RAD51B: variants seen among roughly 807,000 people sequenced by gnomAD.
RAD51B encodes the protein DNA repair protein RAD51 homolog 2.
In RAD51B, 38 loss-of-function variants were observed where a neutral mutation model predicts 42.2. The observed-to-expected ratio is 0.90, with a 90% CI of 0.70 to 1.18. RAD51B has a LOEUF of 1.18. RAD51B is among the 50% of genes most tolerant of loss of function. RAD51B has a pLI of 0.00. For synonymous variants in RAD51B, 154 were observed against 145.2 expected (o/e 1.06, Z -0.43); for missense variants, 373 against 400.7 (o/e 0.93, Z 0.59).
At chr14:68,109,520 T>C (rs1262722330) in intron 7 of RAD51B, among the ~76,000 whole-genome samples, 1 of 152,066 alleles carries the variant, frequency 6.6e-6, no homozygotes, top group Non-Finnish European at 1.5e-5. Flanking sequence ...AAATCTTTGC[T>C]GGGGAATGGT....
chr14:68,338,752 C>A, intron 8 of RAD51B: 1 of 468,274 alleles, frequency 2.1e-6, no homozygotes. Flanking sequence ...TGGCAAAGTT[C>A]TTTAACCTTT....
intron 10 of RAD51B, among the ~76,000 whole-genome samples, chr14:68,536,741 C>A (rs1199323886): frequency 2.0e-5 from 3 of 152,136 alleles, no homozygotes; most frequent in African/African-American, 7.2e-5. Context: ...TTTAAATAGT[C>A]TTTTTCCCCC....
chr14:67,934,366 G>GGA (rs2044856481), intron 7 of RAD51B, among the ~76,000 whole-genome samples: 1 of 152,160 alleles, frequency 6.6e-6, no homozygotes, highest in South Asian at 2.1e-4. Flanking sequence ...GAAGAGAAAA[G>GGA]GAGAAAGTAA....
intron 4 of RAD51B, among the ~76,000 whole-genome samples, chr14:67,863,427 A>G (rs2042226424): frequency 6.6e-6 from 1 of 152,158 alleles, no homozygotes. Flanking sequence ...ACTGAACCAG[A>G]AATGCTGGTT....
At chr14:68,090,037 G>A (rs1482844722) in intron 7 of RAD51B, among the ~76,000 whole-genome samples, 1 of 152,166 alleles carries the variant, frequency 6.6e-6, no homozygotes, top group African/African-American at 2.4e-5. Context: ...AAAAATTCAA[G>A]TTATTTTTTC....
chr14:68,549,214 C>T (rs1197118159), intron 10 of RAD51B, among the ~76,000 whole-genome samples: 1 of 151,482 alleles, frequency 6.6e-6, no homozygotes, highest in Non-Finnish European at 1.5e-5. Context: ...GGAACATCCC[C>T]GTTTTTGAGC....
At chr14:67,877,866 T>C (rs934843934) in intron 5 of RAD51B, among the ~76,000 whole-genome samples, 3 of 152,154 alleles carry the variant, frequency 2.0e-5, no homozygotes, top group African/African-American at 7.2e-5. Context: ...GGTCTCACCA[T>C]CTTGCCCAAA....
At chr14:68,549,012 G>A (rs1888377502) in intron 10 of RAD51B, among the ~76,000 whole-genome samples, 1 of 152,278 alleles carries the variant, frequency 6.6e-6, no homozygotes, top group Middle Eastern at 3.4e-3. Context: ...TGAGTGGGTA[G>A]GGGTGTATTC....
chr14:68,056,263 A>G (rs770279147), intron 7 of RAD51B, among the ~76,000 whole-genome samples: 2 of 152,046 alleles, frequency 1.3e-5, no homozygotes, highest in Non-Finnish European at 2.9e-5. Flanking sequence ...GGCTCAAGTG[A>G]TCCTCCCACC....
At chr14:68,475,827 T>C (rs982542931) in intron 10 of RAD51B, among the ~76,000 whole-genome samples, 2 of 152,190 alleles carry the variant, frequency 1.3e-5, no homozygotes, top group African/African-American at 4.8e-5. Context: ...CTTTGCAGAG[T>C]TAACAATTTG....
chr14:68,199,048 G>A (rs1412107930), intron 7 of RAD51B, among the ~76,000 whole-genome samples: 1 of 152,146 alleles, frequency 6.6e-6, no homozygotes, highest in Non-Finnish European at 1.5e-5. Context: ...TAGCTAATCT[G>A]CCCAATGAAT....
At chr14:68,281,423 T>G (rs190857088) in intron 7 of RAD51B, among the ~76,000 whole-genome samples, 1 of 152,358 alleles carries the variant, frequency 6.6e-6, no homozygotes, top group Non-Finnish European at 1.5e-5. Flanking sequence ...GCTATGCCAA[T>G]TATACAGTTG....
chr14:68,478,171 A>C, downstream of RAD51B: 1 of 979,464 alleles, frequency 1.0e-6, no homozygotes, highest in Non-Finnish European at 1.2e-6. Flanking sequence ...ATGATGTGGG[A>C]GGCTGGGGGC....
At chr14:67,922,636 A>G (rs2044361939) in intron 7 of RAD51B, among the ~76,000 whole-genome samples, 1 of 147,020 alleles carries the variant, frequency 6.8e-6, no homozygotes, top group African/African-American at 2.5e-5. Flanking sequence ...TATTTCTGAG[A>G]TTTTGGTGCA....
chr14:67,923,416 CA>C (rs1171844403), intron 7 of RAD51B, among the ~76,000 whole-genome samples: 1 of 151,430 alleles, frequency 6.6e-6, no homozygotes, highest in African/African-American at 2.4e-5. Flanking sequence ...TCTCCTGCCT[CA>C]GCCTCCCAAG....
intron 10 of RAD51B, among the ~76,000 whole-genome samples, chr14:68,630,195 G>A (rs1321882998): frequency 2.6e-5 from 4 of 152,192 alleles, no homozygotes; most frequent in Admixed American, 6.5e-5. Context: ...GCTTAGAGAC[G>A]TAAGTCACGT....
At chr14:68,548,599 C>G (rs1228298228) in intron 10 of RAD51B, among the ~76,000 whole-genome samples, 1 of 152,214 alleles carries the variant, frequency 6.6e-6, no homozygotes, top group Non-Finnish European at 1.5e-5. Context: ...GTCCTGACTT[C>G]TTGGGGTCTT....
intron 3 of RAD51B, 39 bp from the exon 4 acceptor site, chr14:67,835,040 TA>T: frequency 1.4e-6 from 2 of 1,445,752 alleles, no homozygotes; most frequent in Non-Finnish European, 1.9e-6. Context: ...TTTGAATATA[TA>T]TAGAGGTTGA....
chr14:67,842,792 T>C (rs368080264), intron 4 of RAD51B, among the ~76,000 whole-genome samples: 1 of 152,306 alleles, frequency 6.6e-6, no homozygotes, highest in African/African-American at 2.4e-5. Flanking sequence ...TTTAGAATGA[T>C]GTTGGCTGTG....
Sources: allele counts gnomAD v4.1 joint callset (sites outside exome capture counted in the v4.1 genomes callset), GRCh38; gene constraint gnomAD v4.1.1; transcripts MANE v1.5; gene names NCBI Gene and HGNC (gene_info 2026-07-23, HGNC 2026-07-21).